Variants in FHIP1A observed in about 807,000 individuals in gnomAD.
The protein encoded by FHIP1A is FHF complex subunit HOOK interacting protein 1A.
Under a neutral mutation model 88.6 loss-of-function variants are expected in FHIP1A, and 61 were observed. That is an observed-to-expected ratio of 0.69 (90% CI 0.56 to 0.85). The LOEUF is 0.85. Ranked by LOEUF, FHIP1A falls within the 40% of genes least tolerant of loss-of-function variation. The pLI, the probability that FHIP1A is intolerant of heterozygous loss-of-function variation, is 0.00. For synonymous variants in FHIP1A, 478 were observed against 496.0 expected, an observed-to-expected ratio of 0.96 and a Z score of 0.48; for missense variants, 1,154 against 1,273.5, an observed-to-expected ratio of 0.91 and a Z score of 1.43.
intron 1 of FHIP1A, among the ~76,000 whole-genome samples, chr4:151,413,916 G>A (rs1467296355): frequency 6.6e-6 from 1 of 152,204 alleles, no homozygotes; most frequent in African/African-American, 2.4e-5. Flanking sequence ...TCACATAACT[G>A]TAGAGACAAA....
At chr4:151,594,372 G>C (rs1734564795) in intron 7 of FHIP1A, among the ~76,000 whole-genome samples, 1 of 152,076 alleles carries the variant, frequency 6.6e-6, no homozygotes, top group South Asian at 2.1e-4. Context: ...GTCTGGTCCT[G>C]GGCTTTTTTT....
rs149775782 is a variant in FHIP1A at position 151,446,735 on chromosome 4, A to G, written c.-355-7966A>G. On this transcript the variant is annotated intron_variant, in intron 1 of 13. Coordinates refer to ENST00000435205, the MANE Select transcript of FHIP1A (RefSeq NM_001109977.3). ...GATTGAGAATGTATCCTTGTATTCA[A>G]TAACTCAGAATGTTTTCCTTAGAGT... Among the ~76,000 whole-genome samples the G allele has an allele frequency of 6.2e-3, 938 of 152,208 alleles. 33 individuals are homozygous for G. The highest frequency in any genetic ancestry group is 0.05 in the Admixed American group (762 of 15,274).
chr4:151,567,830 T>A (rs1188388719), intron 4 of FHIP1A, among the ~76,000 whole-genome samples: 1 of 152,264 alleles, frequency 6.6e-6, no homozygotes, highest in Non-Finnish European at 1.5e-5. Flanking sequence ...CATAATCATA[T>A]GTTTTTAACT....
intron 10 of FHIP1A, among the ~76,000 whole-genome samples, chr4:151,648,176 A>G (rs998583574): frequency 6.6e-6 from 1 of 152,140 alleles, no homozygotes; most frequent in Non-Finnish European, 1.5e-5. Context: ...TCTTGGTTCT[A>G]TGTCTTGGTT....
chr4:151,490,438 C>T (rs1338158875), intron 3 of FHIP1A, among the ~76,000 whole-genome samples: 3 of 152,132 alleles, frequency 2.0e-5, no homozygotes, highest in Admixed American at 6.5e-5. Context: ...TCTCAGGAAG[C>T]CGCATGTCTA....
At chr4:151,614,999 C>T (rs1304892104) in intron 7 of FHIP1A, among the ~76,000 whole-genome samples, 2 of 152,078 alleles carry the variant, frequency 1.3e-5, no homozygotes, top group Non-Finnish European at 2.9e-5. Context: ...CTGTTTTCTG[C>T]AGTAAAGTCC....
intron 2 of FHIP1A, among the ~76,000 whole-genome samples, chr4:151,479,750 A>G (rs1729830600): frequency 6.6e-6 from 1 of 152,024 alleles, no homozygotes; most frequent in Admixed American, 6.6e-5. Context: ...TCCCCACCCC[A>G]ACAAAGTGTT....
intron 5 of FHIP1A, among the ~76,000 whole-genome samples, chr4:151,583,421 G>A (rs1734096856): frequency 6.6e-6 from 1 of 152,054 alleles, no homozygotes; most frequent in Non-Finnish European, 1.5e-5. Flanking sequence ...TTCTGTACAG[G>A]GACTACCTTC....
At chr4:151,565,185 G>GA (rs1222547810) in intron 3 of FHIP1A, among the ~76,000 whole-genome samples, 1 of 151,390 alleles carries the variant, frequency 6.6e-6, no homozygotes, top group African/African-American at 2.4e-5. Context: ...ATCTGTACAC[G>GA]AAAAAAAATA....
At chr4:151,493,320 T>C (rs1479302650) in intron 3 of FHIP1A, among the ~76,000 whole-genome samples, 5 of 151,982 alleles carry the variant, frequency 3.3e-5, no homozygotes, top group African/African-American at 1.2e-4. Context: ...AGTAGTGAGA[T>C]TGAAACAGTA....
At chr4:151,556,964 A>T (rs1171463392) in intron 3 of FHIP1A, among the ~76,000 whole-genome samples, 1 of 152,164 alleles carries the variant, frequency 6.6e-6, no homozygotes, top group African/African-American at 2.4e-5. Flanking sequence ...GTTGGTTTCC[A>T]ACAAATGCCT....
chr4:151,502,417 A>G (rs1730687049), intron 3 of FHIP1A, among the ~76,000 whole-genome samples: 1 of 152,172 alleles, frequency 6.6e-6, no homozygotes, highest in East Asian at 1.9e-4. Flanking sequence ...AAAAATAGAA[A>G]TTATAAAGTG....
At chr4:151,582,867 T>G (rs368347163) in intron 5 of FHIP1A, among the ~76,000 whole-genome samples, 1 of 152,198 alleles carries the variant, frequency 6.6e-6, no homozygotes. Context: ...TTTTAATAAT[T>G]TAATTCTAAG....
intron 3 of FHIP1A, among the ~76,000 whole-genome samples, chr4:151,538,759 TCA>T (rs1250686269): frequency 6.6e-6 from 1 of 152,016 alleles, no homozygotes; most frequent in Non-Finnish European, 1.5e-5. Context: ...CACACTGGGG[TCA>T]GGCGGATGTG....
intron 7 of FHIP1A, among the ~76,000 whole-genome samples, chr4:151,625,117 T>C (rs1268312101): frequency 6.6e-6 from 1 of 152,098 alleles, no homozygotes; most frequent in Admixed American, 6.5e-5. Context: ...GTAGCCTGTG[T>C]TCCCTGTTAA....
intron 5 of FHIP1A, among the ~76,000 whole-genome samples, chr4:151,585,002 C>G (rs1734156608): frequency 6.6e-6 from 1 of 152,106 alleles, no homozygotes; most frequent in South Asian, 2.1e-4. Flanking sequence ...ATTATGTATT[C>G]TGAGCATTTC....
chr4:151,477,550 A>G (rs918770993), intron 2 of FHIP1A, among the ~76,000 whole-genome samples: 2 of 151,696 alleles, frequency 1.3e-5, no homozygotes, highest in Non-Finnish European at 2.9e-5. Context: ...TAGCTTCTGC[A>G]TACTTCAAGG....
intron 3 of FHIP1A, among the ~76,000 whole-genome samples, chr4:151,501,805 T>C (rs1263166305): frequency 6.6e-6 from 1 of 151,388 alleles, no homozygotes; most frequent in Non-Finnish European, 1.5e-5. Context: ...GTAAGAGTTT[T>C]TTTTTTTTTT....
rs1737773255 is a variant in FHIP1A, at chr4:151,669,201, G to C, written c.*6447G>C. ...ATGCTTTGGGTTTTTCCTAGCAGCAGTGATGATATCAACTTACAAGGTTTG... is the reference window on the plus strand; with the variant it reads ...ATGCTTTGGGTTTTTCCTAGCAGCACTGATGATATCAACTTACAAGGTTTG... On this transcript the variant is annotated 3_prime_UTR_variant, in exon 14 of 14. Transcript: ENST00000435205. 6.6e-6 allele frequency among the ~76,000 whole-genome samples: 1 copy of C among 152,206 alleles called. No individual in the cohort carries two copies. The highest frequency in any genetic ancestry group is 1.5e-5 in the Non-Finnish European group (1 of 68,048).
Sources: gnomAD v4.1 joint callset for allele counts (sites outside exome capture counted in the v4.1 genomes callset) on GRCh38, gnomAD v4.1.1 for gene constraint, MANE v1.5 for transcripts, NCBI Gene and HGNC (gene_info 2026-07-23, HGNC 2026-07-21) for gene names.